SYNPO: variants seen among roughly 807,000 people sequenced by gnomAD.
The protein encoded by SYNPO is synaptopodin.
In SYNPO, 19 loss-of-function variants were observed where a neutral mutation model predicts 49.5. The ratio of observed to expected loss-of-function variants is 0.38; its 90% CI spans 0.27 to 0.56. The LOEUF (loss-of-function observed/expected upper bound fraction) is 0.56, where lower values mean the gene tolerates loss of function less well. SYNPO is among the 20% of genes least tolerant of loss of function. SYNPO has a pLI of 0.68. For synonymous variants in SYNPO, 536 were observed against 548.0 expected (o/e 0.98, Z 0.31); for missense variants, 1,131 against 1,248.3 (o/e 0.91, Z 1.42).
intron 2 of SYNPO, among the ~76,000 whole-genome samples, chr5:150,622,776 T>G (rs569463635): frequency 1.9e-4 from 29 of 152,262 alleles, no homozygotes; most frequent in Admixed American, 1.5e-3. Flanking sequence ...AGCTGCCTAC[T>G]CCCCCTCCAC....
chr5:150,589,056 T>G, the SYNPO span, among the ~76,000 whole-genome samples: 2 of 129,534 alleles, frequency 1.5e-5, no homozygotes, highest in South Asian at 4.7e-4. Flanking sequence ...CAGTGTATGC[T>G]TTATAGATTT....
Position 150,649,965 on chromosome 5 carries a change from C to T in SYNPO, c.1690C>T (p.Pro564Ser), listed in dbSNP as rs775233284. The T allele has an allele frequency of 6.2e-7, 1 of 1,613,002 alleles. No individual in the cohort carries two copies. Among genetic ancestry groups the T allele is most frequent in the Non-Finnish European group, 8.5e-7 (1 of 1,179,992 alleles). Residue 564 changes from proline (P) to serine (S), a missense_variant, in exon 2 of 3, where the codon CCA (proline) becomes TCA (serine). Pro to Ser is a moderately conservative substitution (Grantham distance 74, BLOSUM62 -1). Around this residue, in one of 4 missense-constraint regions of SYNPO, gnomAD observed 602 missense variants for 720.7 expected, o/e 0.84. Transcript: ENST00000307662. Reference protein sequence around the residue: ...VLRPEPTKQPPYQLRPSLFVL... With the variant: ...VLRPEPTKQPSYQLRPSLFVL... ...GCGCCCAGAGCCCACCAAGCAGCCG[C>T]CATACCAGCTGCGCCCCTCGCTCTT...
intron 1 of SYNPO, among the ~76,000 whole-genome samples, chr5:150,603,900 T>C (rs1361036428): frequency 6.6e-6 from 1 of 152,194 alleles, no homozygotes; most frequent in Admixed American, 6.5e-5. Context: ...AAATGCTATT[T>C]CCAGGAGACT....
chr5:150,619,736 A>G (rs565434378), intron 2 of SYNPO, among the ~76,000 whole-genome samples: 2 of 152,220 alleles, frequency 1.3e-5, no homozygotes, highest in South Asian at 2.1e-4. Flanking sequence ...CTGAAGGAAC[A>G]CTTCATTTCT....
rs1193240445 is a variant in SYNPO at position 150,649,301 on chromosome 5, C to T, written c.1026C>T (p.Val342=). 3 of 1,614,116 alleles carry T rather than the reference C, an allele frequency of 1.9e-6. No homozygotes were observed. In the African/African-American group the frequency reaches 4.0e-5, roughly 22 times the overall value. Reference sequence around the variant, plus strand: ...TGAGGTCTCCTCCCTCATATTCTGTCCTGTATCCCAGCTCCGACCCCAAGT... The same window carrying T: ...TGAGGTCTCCTCCCTCATATTCTGTTCTGTATCCCAGCTCCGACCCCAAGT... ...SWVRSPPSYS[V]LYPSSDPKSS... Residue 342 remains valine (V), a synonymous_variant, in exon 2 of 3, where the codon GTC becomes GTT. Transcript: ENST00000307662.
chr5:150,626,485 C>T (rs369213043), intron 2 of SYNPO, among the ~76,000 whole-genome samples: 1 of 152,208 alleles, frequency 6.6e-6, no homozygotes, highest in East Asian at 1.9e-4. Flanking sequence ...ACTTTCCAGG[C>T]CTGCCCCGTC....
upstream of SYNPO, among the ~76,000 whole-genome samples, chr5:150,599,093 C>T (rs1328055645): frequency 6.6e-6 from 1 of 152,236 alleles, no homozygotes; most frequent in East Asian, 1.9e-4. Context: ...CCTGTCAGGG[C>T]CTGTTGCAAC....
chr5:150,618,245 T>G (rs1000444057), exon 2 of SYNPO: 67 of 1,249,012 alleles, frequency 5.4e-5, no homozygotes, highest in Non-Finnish European at 1.1e-6. Flanking sequence ...AAGGCAAAAG[T>G]GCAGAGAGTC....
intron 2 of SYNPO, among the ~76,000 whole-genome samples, chr5:150,620,362 T>A (rs1423786877): frequency 2.0e-5 from 3 of 152,252 alleles, no homozygotes; most frequent in Non-Finnish European, 4.4e-5. Flanking sequence ...CTAAGCCCTG[T>A]GCCAAGAGCT....
intron 1 of SYNPO, among the ~76,000 whole-genome samples, chr5:150,606,817 C>T (rs1246106722): frequency 2.6e-5 from 4 of 152,190 alleles, no homozygotes; most frequent in Admixed American, 1.3e-4. Context: ...GAGCGCCCCT[C>T]AGCCGCCTCT....
intron 1 of SYNPO, among the ~76,000 whole-genome samples, chr5:150,602,022 C>T (rs1056712629): frequency 5.3e-5 from 8 of 152,350 alleles, no homozygotes; most frequent in African/African-American, 1.9e-4. Flanking sequence ...GAGTGAGGGA[C>T]AGCTTCCTTA....
rs768745436 is a variant in SYNPO, at chr5:150,649,698, G to A, written c.1423G>A (p.Glu475Lys). 3 of 1,612,054 alleles carry A rather than the reference G, an allele frequency of 1.9e-6. No individual in the cohort carries two copies. The highest frequency in any genetic ancestry group is 1.1e-5 in the South Asian group (1 of 91,088). Reference protein sequence around the residue: ...PKPKPNQNLSEASGKGAELYA... With the variant: ...PKPKPNQNLSKASGKGAELYA... Reference sequence around the variant, plus strand: ...GCCCAAACCCAACCAGAACCTCTCCGAGGCCTCTGGGAAGGGAGCTGAGCT... The same window carrying A: ...GCCCAAACCCAACCAGAACCTCTCCAAGGCCTCTGGGAAGGGAGCTGAGCT... Residue 475 changes from glutamate to lysine, a missense_variant, in exon 2 of 3, where the codon GAG becomes AAG. Glu to Lys is a moderately conservative substitution (Grantham distance 56). Around this residue, in one of 4 missense-constraint regions of SYNPO, gnomAD observed 602 missense variants for 720.7 expected, o/e 0.84. Coordinates refer to ENST00000307662, the MANE Select transcript of SYNPO (RefSeq NM_007286.6).
At position 150,640,841 on chromosome 5, in the gene SYNPO, G is replaced by A. The variant is rs563786014; in HGVS notation, c.-346G>A. 3 of 985,508 alleles carry A rather than the reference G, an allele frequency of 3.0e-6. No individual in the cohort carries two copies. The highest frequency in any genetic ancestry group is 9.4e-5 in the South Asian group (2 of 21,294). The allele number at this position is 985,508 out of a possible 1,614,324, so 61.0% of individuals were successfully genotyped here. ...ATCCAGGGGGAAGCTTGGCTTCAGGGAGGACCTAGCAGAGTGAGTAAGATG... is the reference window on the plus strand; with the variant it reads ...ATCCAGGGGGAAGCTTGGCTTCAGGAAGGACCTAGCAGAGTGAGTAAGATG... On this transcript the variant is annotated 5_prime_UTR_variant, in exon 1 of 3. Transcript: ENST00000307662.
intron 2 of SYNPO, among the ~76,000 whole-genome samples, chr5:150,655,177 T>C (rs541362714): frequency 6.6e-6 from 1 of 152,356 alleles, no homozygotes; most frequent in South Asian, 2.1e-4. Context: ...TAATAGATAA[T>C]ACATTCATAT....
At chr5:150,613,805 G>A (rs981333438) in intron 1 of SYNPO, among the ~76,000 whole-genome samples, 3 of 152,158 alleles carry the variant, frequency 2.0e-5, no homozygotes, top group African/African-American at 7.2e-5. Flanking sequence ...ACTCAGTGAG[G>A]CAATGGAAGA....
At chr5:150,621,810 G>A (rs1757183043) in intron 2 of SYNPO, among the ~76,000 whole-genome samples, 1 of 152,100 alleles carries the variant, frequency 6.6e-6, no homozygotes, top group African/African-American at 2.4e-5. Context: ...AGGGATAGAG[G>A]GTACAGAGAG....
chr5:150,625,926 C>T (rs1176598783), intron 2 of SYNPO, among the ~76,000 whole-genome samples: 1 of 152,218 alleles, frequency 6.6e-6, no homozygotes. Context: ...GATCTTGGAG[C>T]AAGACCCTTG....
the SYNPO span, among the ~76,000 whole-genome samples, chr5:150,586,525 G>A: frequency 8.7e-4 from 132 of 152,290 alleles, 2 homozygotes; most frequent in Admixed American, 6.6e-3. Context: ...ATGCTGGGTA[G>A]GTAGGTGGAT....
upstream of SYNPO, among the ~76,000 whole-genome samples, chr5:150,597,778 A>G (rs1756450275): frequency 6.6e-6 from 1 of 152,174 alleles, no homozygotes; most frequent in African/African-American, 2.4e-5. Context: ...AGCTGGCACT[A>G]CAGGCGCATG....
Sources: gnomAD v4.1 joint callset for allele counts (sites outside exome capture counted in the v4.1 genomes callset) on GRCh38, gnomAD v4.1.1 for gene constraint, gnomAD v4.1.1 regional missense constraint, MANE v1.5 for transcripts, NCBI Gene and HGNC (gene_info 2026-07-23, HGNC 2026-07-21) for gene names.